The following CAPN14 variants were observed in gnomAD, a reference collection of about 807,000 sequenced individuals.
CAPN14 encodes calpain 14.
A neutral mutation model predicts 101.3 loss-of-function variants in CAPN14; 94 were observed. The ratio of observed to expected loss-of-function variants is 0.93; its 90% CI spans 0.79 to 1.10. CAPN14 has a LOEUF of 1.10. Among genes scored for constraint, CAPN14 ranks in the 50% least tolerant of loss-of-function variants. CAPN14 has a pLI of 0.00. For synonymous variants in CAPN14, 338 were observed against 317.9 expected (o/e 1.06, Z -0.67); for missense variants, 837 against 828.4 (o/e 1.01, Z -0.13).
At position 31,200,459 on chromosome 2, in the gene CAPN14, G is replaced by C. The variant is rs2148689011; in HGVS notation, c.718C>G (p.His240Asp). ...TGGCAGCCCAGTCTCACCCCTGAGTGGGTCTGGCAGCCAATGAGGGTTCTG... is the reference window on the plus strand; with the variant it reads ...TGGCAGCCCAGTCTCACCCCTGAGTCGGTCTGGCAGCCAATGAGGGTTCTG... ...YNRTLIGCQTHSGEKILENGL... is the reference protein window; with the variant it reads ...YNRTLIGCQTDSGEKILENGL... Residue 240 changes from histidine to aspartate, a missense_variant, in exon 6 of 22, where the codon CAC (histidine) becomes GAC (aspartate). Transcript: ENST00000403897. The C allele has an allele frequency of 1.3e-6, 2 of 1,549,358 alleles. No homozygotes were observed. The highest frequency in any genetic ancestry group is 2.4e-5 in the East Asian group (1 of 40,908).
At chr2:31,189,540 G>A (rs766528808) in intron 12 of CAPN14, 62 bp from the exon 13 acceptor site, 15 of 1,359,872 alleles carry the variant, frequency 1.1e-5, no homozygotes, top group South Asian at 2.5e-5. Flanking sequence ...GGCCAGGCCT[G>A]AGGCCCTCAA....
intron 16 of CAPN14, 58 bp downstream of exon 16, chr2:31,186,370 A>C: frequency 8.0e-7 from 1 of 1,255,174 alleles, no homozygotes; most frequent in Non-Finnish European, 1.1e-6. Flanking sequence ...AAACAAAGCC[A>C]GAGTTTAGAA....
At chr2:31,209,657 G>A (rs1200040629) in intron 1 of CAPN14, among the ~76,000 whole-genome samples, 1 of 152,158 alleles carries the variant, frequency 6.6e-6, no homozygotes, top group Non-Finnish European at 1.5e-5. Flanking sequence ...TGTGGGAGAA[G>A]GAACAGACTC....
Position 31,189,427 on chromosome 2 carries a change from G to T in CAPN14, c.1339C>A (p.Pro447Thr), listed in dbSNP as rs1275823094. Residue 447 changes from proline to threonine, a missense_variant, in exon 13 of 22, where the codon CCT (proline) becomes ACT (threonine). Pro to Thr is a conservative substitution (Grantham distance 38, BLOSUM62 -1). Coordinates refer to ENST00000403897, the MANE Select transcript of CAPN14 (RefSeq NM_001145122.2). ...LPPEFFQRNT[P>T]LSQPDRFLKE... ...AGAAACCTATCAGGCTGGCTCAGAGGAGTGTTTCTCTGGAAGAACTCAGGG... is the reference window on the plus strand; with the variant it reads ...AGAAACCTATCAGGCTGGCTCAGAGTAGTGTTTCTCTGGAAGAACTCAGGG... The T allele has an allele frequency of 6.4e-7, 1 of 1,551,694 alleles. No homozygotes were observed. The highest frequency in any genetic ancestry group is 8.7e-7 in the Non-Finnish European group (1 of 1,146,994).
upstream of CAPN14, among the ~76,000 whole-genome samples, chr2:31,220,235 T>C (rs892475818): frequency 2.6e-5 from 4 of 152,212 alleles, no homozygotes; most frequent in African/African-American, 7.2e-5. Context: ...AGTACTGAGA[T>C]AGTAAATAAT....
chr2:31,214,147 C>T (rs1247926359), intron 1 of CAPN14, among the ~76,000 whole-genome samples: 4 of 152,114 alleles, frequency 2.6e-5, no homozygotes, highest in Non-Finnish European at 5.9e-5. Flanking sequence ...TCACATAATA[C>T]CATGAATAAA....
At chr2:31,208,880 G>C (rs1167563884) in intron 1 of CAPN14, among the ~76,000 whole-genome samples, 9 of 152,186 alleles carry the variant, frequency 5.9e-5, no homozygotes. Flanking sequence ...AGAATGTGCA[G>C]CCTAAAAGCA....
chr2:31,205,458 G>A lies in CAPN14; in HGVS notation c.-11C>T. On this transcript the variant is annotated 5_prime_UTR_variant, in exon 2 of 22. Transcript: ENST00000403897. Reference sequence around the variant, plus strand: ...TGGCCACAGAGACATGGCAGGTGGTGGGTACAGTCCAGTGAGTCTTCCTGA... The same window carrying A: ...TGGCCACAGAGACATGGCAGGTGGTAGGTACAGTCCAGTGAGTCTTCCTGA... 6.5e-7 allele frequency: 1 copy of A among 1,549,166 alleles called. No individual in the cohort carries two copies. Among genetic ancestry groups the A allele is most frequent in the Non-Finnish European group, 8.7e-7 (1 of 1,144,816 alleles).
chr2:31,206,749 A>C (rs544753593), intron 1 of CAPN14, among the ~76,000 whole-genome samples: 1 of 152,356 alleles, frequency 6.6e-6, no homozygotes, highest in African/African-American at 2.4e-5. Context: ...AGCTTCTTGC[A>C]GGACAGGTTG....
upstream of CAPN14, among the ~76,000 whole-genome samples, chr2:31,217,793 C>G (rs1682717299): frequency 6.6e-6 from 1 of 152,140 alleles, no homozygotes; most frequent in African/African-American, 2.4e-5. Context: ...CAGGTGTGAC[C>G]TAGAAAAGCA....
chr2:31,229,384 C>G (rs1381245614), intron 1 of CAPN14, among the ~76,000 whole-genome samples: 1 of 152,062 alleles, frequency 6.6e-6, no homozygotes, highest in African/African-American at 2.4e-5. Context: ...AAAATTCCAA[C>G]TTTGTGCATC....
At chr2:31,175,829 G>C (rs1680261535) in intron 21 of CAPN14, among the ~76,000 whole-genome samples, 1 of 152,190 alleles carries the variant, frequency 6.6e-6, no homozygotes, top group African/African-American at 2.4e-5. Flanking sequence ...CAGAATAAAA[G>C]AGCAGAGGAT....
chr2:31,228,992 G>C (rs1022204688), intron 1 of CAPN14, among the ~76,000 whole-genome samples: 12 of 152,300 alleles, frequency 7.9e-5, no homozygotes, highest in Non-Finnish European at 1.5e-4. Context: ...AGCCAGATGG[G>C]GCTGAAAACA....
At chr2:31,232,021 G>A (rs1335100024) in intron 1 of CAPN14, among the ~76,000 whole-genome samples, 1 of 152,202 alleles carries the variant, frequency 6.6e-6, no homozygotes, top group African/African-American at 2.4e-5. Flanking sequence ...TTCAAGGAGG[G>A]AGTCGGGAGA....
upstream of CAPN14, among the ~76,000 whole-genome samples, chr2:31,218,319 T>C (rs1388019882): frequency 7.0e-6 from 1 of 142,826 alleles, no homozygotes; most frequent in Non-Finnish European, 1.5e-5. Context: ...CCAGCTTGCC[T>C]GCCTCCACGC....
At chr2:31,229,005 T>C (rs1335527691) in intron 1 of CAPN14, among the ~76,000 whole-genome samples, 6 of 152,194 alleles carry the variant, frequency 3.9e-5, no homozygotes, top group Admixed American at 3.9e-4. Context: ...TGAAAACAAA[T>C]GTTGAATGCA....
At chr2:31,189,246 C>T (rs1249924015) in intron 13 of CAPN14, 27 bp downstream of exon 13, 10 of 1,545,776 alleles carry the variant, frequency 6.5e-6, no homozygotes, top group Non-Finnish European at 8.7e-6. Context: ...TGGTCCCCAC[C>T]CTCTAGGAGA....
At chr2:31,191,560 G>GT (rs1206267864) in intron 11 of CAPN14, among the ~76,000 whole-genome samples, 153 bp from the exon 12 acceptor site, 1 of 152,104 alleles carries the variant, frequency 6.6e-6, no homozygotes, top group Non-Finnish European at 1.5e-5. Flanking sequence ...CACAAGACCT[G>GT]CTGTTCTATC....
At chr2:31,232,747 G>T (rs1243190594) in intron 1 of CAPN14, among the ~76,000 whole-genome samples, 1 of 152,144 alleles carries the variant, frequency 6.6e-6, no homozygotes, top group African/African-American at 2.4e-5. Context: ...AACGCATGGG[G>T]ATTATGGGGA....
Sources: gnomAD v4.1 joint callset for allele counts (sites outside exome capture counted in the v4.1 genomes callset) on GRCh38, gnomAD v4.1.1 for gene constraint, MANE v1.5 for transcripts, NCBI Gene and HGNC (gene_info 2026-07-23, HGNC 2026-07-21) for gene names.